Variants in FAM185A observed in about 807,000 individuals in gnomAD.
FAM185A encodes the protein protein FAM185A.
Under a neutral mutation model 45.7 loss-of-function variants are expected in FAM185A, and 21 were observed. The observed-to-expected ratio is 0.46, with a 90% CI of 0.33 to 0.66. FAM185A has a LOEUF of 0.66. FAM185A is among the 30% of genes least tolerant of loss of function. FAM185A has a pLI of 0.03. For missense variants in FAM185A, 305 were observed against 485.4 expected (o/e 0.63, Z 3.49); for synonymous variants, 117 against 194.0 (o/e 0.60, Z 3.30).
chr7:102,815,874 T>G, the FAM185A span, among the ~76,000 whole-genome samples: 12 of 152,032 alleles, frequency 7.9e-5, no homozygotes, highest in African/African-American at 2.9e-4. Context: ...ATAAAACAAT[T>G]AGCAAGTAGT....
chr7:102,834,884 G>A, the FAM185A span, among the ~76,000 whole-genome samples: 1 of 108,826 alleles, frequency 9.2e-6, no homozygotes, highest in Non-Finnish European at 1.8e-5. Context: ...CACAATGTGT[G>A]TGTGTGTGTG....
At chr7:102,828,516 A>G in the FAM185A span, among the ~76,000 whole-genome samples, 1 of 152,188 alleles carries the variant, frequency 6.6e-6, no homozygotes, top group African/African-American at 2.4e-5. Context: ...GAATTAGCAA[A>G]TCTCTTACTC....
the FAM185A span, among the ~76,000 whole-genome samples, chr7:102,829,968 C>A: frequency 2.0e-5 from 3 of 152,178 alleles, no homozygotes; most frequent in Non-Finnish European, 2.9e-5. Flanking sequence ...ACTCATCTGA[C>A]CCACAGTCTG....
chr7:102,847,706 T>G, the FAM185A span, among the ~76,000 whole-genome samples: 2 of 152,164 alleles, frequency 1.3e-5, no homozygotes, highest in Middle Eastern at 3.4e-3. Context: ...TTTTTGTATT[T>G]TTAGTAGAGA....
intron 6 of FAM185A, among the ~76,000 whole-genome samples, chr7:102,778,544 G>GAA (rs1236799777): frequency 6.6e-6 from 1 of 152,106 alleles, no homozygotes; most frequent in Non-Finnish European, 1.5e-5. Context: ...AAAACAAACA[G>GAA]AAAACTGTAA....
At chr7:102,822,430 A>T in the FAM185A span, 1 of 650,016 alleles carries the variant, frequency 1.5e-6, no homozygotes, top group East Asian at 3.1e-5. Flanking sequence ...AGATGCCTCC[A>T]TTCTTGCTAT....
At chr7:102,786,883 C>T (rs1406748919) in intron 6 of FAM185A, among the ~76,000 whole-genome samples, 5 of 150,774 alleles carry the variant, frequency 3.3e-5, no homozygotes, top group Admixed American at 2.6e-4. Context: ...GGTTCCAGCA[C>T]GAGCACTAGT....
intron 7 of FAM185A, among the ~76,000 whole-genome samples, chr7:102,798,436 GT>G (rs1468774364): frequency 6.6e-6 from 1 of 152,202 alleles, no homozygotes; most frequent in Non-Finnish European, 1.5e-5. Flanking sequence ...TCCCTTTTGA[GT>G]ATTGTCTCTA....
At chr7:102,756,529 C>G (rs1478921598) in intron 2 of FAM185A, among the ~76,000 whole-genome samples, 1 of 151,832 alleles carries the variant, frequency 6.6e-6, no homozygotes, top group African/African-American at 2.4e-5. Flanking sequence ...TGATGGCATA[C>G]GCTTGTAGTC....
Position 102,808,663 on chromosome 7 carries a change from C to A in FAM185A, c.*261C>A. 1 of 325,048 alleles carries A rather than the reference C, an allele frequency of 3.1e-6. No homozygotes were observed. The highest frequency in any genetic ancestry group is 4.2e-5 in the South Asian group (1 of 23,572). 20.1% of individuals were successfully genotyped at this position (325,048 alleles called of 1,614,324 possible). The stretch of plus-strand genomic sequence containing the variant: ...TGTCTAGGTTCTCCGCTCAGGGAAT[C>A]ACAAGGCTAGAAATCAAGATTTTGG... On this transcript the variant is annotated 3_prime_UTR_variant, in exon 8 of 8. Coordinates refer to ENST00000413034, the MANE Select transcript of FAM185A (RefSeq NM_001145268.2).
intron 7 of FAM185A, among the ~76,000 whole-genome samples, chr7:102,793,088 G>A (rs1307369521): frequency 6.6e-6 from 1 of 152,208 alleles, no homozygotes; most frequent in Non-Finnish European, 1.5e-5. Context: ...CCAGATGGAA[G>A]AAATTCAATA....
In FAM185A at chr7:102,749,270, A is replaced by G. The variant is rs1390358475; in HGVS notation, c.63A>G (p.Arg21=). The change falls in exon 1 of 8, where the codon CGA becomes CGG. Residue 21 remains arginine (R), a synonymous_variant. Transcript: ENST00000413034. ...TCCGTCTCTGTCTCCGTCAGGTCCGACTGTGGGCTGGCGCTGGGCGCTGGG... is the reference window on the plus strand; with the variant it reads ...TCCGTCTCTGTCTCCGTCAGGTCCGGCTGTGGGCTGGCGCTGGGCGCTGGG... The part of the protein sequence containing the change: ...GCFRLCLRQV[R]LWAGAGRWAC... The G allele has an allele frequency of 1.3e-6, 2 of 1,550,430 alleles. No individual in the cohort carries two copies. The highest frequency in any genetic ancestry group is 3.9e-5 in the Admixed American group (2 of 50,994).
intron 6 of FAM185A, among the ~76,000 whole-genome samples, chr7:102,786,569 A>G (rs550176467): frequency 1.6e-3 from 243 of 152,312 alleles, no homozygotes; most frequent in African/African-American, 5.7e-3. Flanking sequence ...TCAGCAAACT[A>G]TCGCAAGGAC....
At position 102,761,341 on chromosome 7, in the gene FAM185A, C is replaced by G. The variant is rs749320685; in HGVS notation, c.723C>G (p.Ala241=). The part of the protein sequence containing the change: ...TVSTEDGLLK[A]KYLYTESSFL... ...CTACCGAAGATGGTTTGCTGAAAGC[C>G]AAGTATCTTTATACAGAATCATCAT... The change falls in exon 4 of 8, where the codon GCC becomes GCG. Residue 241 remains alanine (A), a synonymous_variant. Transcript: ENST00000413034. 21 of 1,546,448 alleles carry G rather than the reference C, an allele frequency of 1.4e-5. No individual in the cohort carries two copies. Among genetic ancestry groups the G allele is most frequent in the Non-Finnish European group, 1.7e-5 (19 of 1,144,850 alleles).
the FAM185A span, among the ~76,000 whole-genome samples, chr7:102,837,309 G>A: frequency 6.6e-6 from 1 of 152,158 alleles, no homozygotes; most frequent in Non-Finnish European, 1.5e-5. Context: ...GGCTGAGCAA[G>A]GCTTAGCAAA....
At chr7:102,834,081 GAAAGA>G in the FAM185A span, among the ~76,000 whole-genome samples, 3 of 84,920 alleles carry the variant, frequency 3.5e-5, no homozygotes, top group South Asian at 4.2e-4. Context: ...AGGAAGGAAG[GAAAGA>G]AAAGAAAGAA....
chr7:102,795,217 A>C (rs1384277827), intron 7 of FAM185A, among the ~76,000 whole-genome samples: 1 of 152,210 alleles, frequency 6.6e-6, no homozygotes, highest in Non-Finnish European at 1.5e-5. Context: ...TTTGCCAGCT[A>C]ATTTCCTGGT....
chr7:102,818,420 T>C, the FAM185A span, among the ~76,000 whole-genome samples: 1 of 152,230 alleles, frequency 6.6e-6, no homozygotes, highest in African/African-American at 2.4e-5. Context: ...TGTGAGGCAA[T>C]ATCTGTAAAA....
intron 2 of FAM185A, among the ~76,000 whole-genome samples, chr7:102,752,273 AT>A (rs202099768): frequency 2.8e-3 from 401 of 140,922 alleles, no homozygotes; most frequent in South Asian, 4.0e-3. Context: ...TGTAATTAAA[AT>A]TTTTTTTTTT....
Sources: gnomAD v4.1 joint callset for allele counts (sites outside exome capture counted in the v4.1 genomes callset) on GRCh38, gnomAD v4.1.1 for gene constraint, MANE v1.5 for transcripts, NCBI Gene and HGNC (gene_info 2026-07-23, HGNC 2026-07-21) for gene names.